The following PDE8A variants were observed in gnomAD, a reference collection of about 807,000 sequenced individuals.
PDE8A encodes the protein high affinity cAMP-specific and IBMX-insensitive 3',5'-cyclic phosphodiesterase 8A.
Under a neutral mutation model 105.0 loss-of-function variants are expected in PDE8A, and 59 were observed. That is an observed-to-expected ratio of 0.56 (90% CI 0.46 to 0.70). The LOEUF (loss-of-function observed/expected upper bound fraction) is 0.70. Among genes scored for constraint, PDE8A ranks in the 30% least tolerant of loss-of-function variants. PDE8A has a pLI of 0.00. For synonymous variants in PDE8A, 355 were observed against 371.9 expected (o/e 0.95, Z 0.52); for missense variants, 1,014 against 1,045.9 (o/e 0.97, Z 0.42).
At chr15:85,012,474 C>CA (rs2080255838) in intron 1 of PDE8A, among the ~76,000 whole-genome samples, 1 of 146,036 alleles carries the variant, frequency 6.8e-6, no homozygotes, top group Admixed American at 7.3e-5. Flanking sequence ...CGCATGTTCT[C>CA]ACTCATAGGT....
chr15:84,990,459 G>A (rs538402728), intron 1 of PDE8A, among the ~76,000 whole-genome samples: 14 of 152,214 alleles, frequency 9.2e-5, no homozygotes, highest in African/African-American at 3.1e-4. Flanking sequence ...GCCTATTCTA[G>A]ATTTCATGTA....
intron 12 of PDE8A, among the ~76,000 whole-genome samples, chr15:85,109,773 G>A (rs973044227): frequency 2.6e-5 from 4 of 152,204 alleles, no homozygotes; most frequent in Non-Finnish European, 5.9e-5. Context: ...AGATTATACA[G>A]TAGGGATCAA....
intron 1 of PDE8A, among the ~76,000 whole-genome samples, chr15:85,001,538 C>T (rs138679383): frequency 4.6e-5 from 7 of 152,222 alleles, no homozygotes; most frequent in Middle Eastern, 3.4e-3. Context: ...AAGAAGGTCA[C>T]GGAGAATGGA....
chr15:84,982,435 C>T (rs965009957), intron 1 of PDE8A, 87 bp downstream of exon 1: 12 of 807,170 alleles, frequency 1.5e-5, no homozygotes, highest in Non-Finnish European at 3.4e-6. Flanking sequence ...GCGGGGTCCC[C>T]CCCACCCGGC....
At chr15:85,127,207 A>G (rs1195946828) in intron 20 of PDE8A, among the ~76,000 whole-genome samples, 1 of 152,184 alleles carries the variant, frequency 6.6e-6, no homozygotes, top group African/African-American at 2.4e-5. Flanking sequence ...CAAAGAAAAC[A>G]TACAGCTAAC....
intron 8 of PDE8A, among the ~76,000 whole-genome samples, chr15:85,095,599 C>CT (rs888751690): frequency 1.3e-5 from 2 of 152,126 alleles, no homozygotes; most frequent in Admixed American, 1.3e-4. Flanking sequence ...CTGCCTCGGC[C>CT]TCCAGAAGTG....
At chr15:85,112,664 C>T (rs960046659) in intron 12 of PDE8A, among the ~76,000 whole-genome samples, 11 of 152,292 alleles carry the variant, frequency 7.2e-5, no homozygotes, top group African/African-American at 2.6e-4. Flanking sequence ...TCTGGGACAG[C>T]CCCTGGTCCT....
intron 1 of PDE8A, among the ~76,000 whole-genome samples, chr15:85,009,156 T>C (rs1041209428): frequency 3.6e-4 from 55 of 151,252 alleles, no homozygotes; most frequent in Non-Finnish European, 6.3e-4. Flanking sequence ...ATGTTTAGGG[T>C]CTGAGGATAT....
At chr15:84,991,004 G>A (rs763802021) in intron 1 of PDE8A, among the ~76,000 whole-genome samples, 6 of 151,690 alleles carry the variant, frequency 4.0e-5, no homozygotes, top group African/African-American at 1.5e-4. Flanking sequence ...TACTTTTTCC[G>A]TGTGCTTGTT....
chr15:84,982,673 C>T (rs2079736878), intron 1 of PDE8A, among the ~76,000 whole-genome samples: 1 of 152,190 alleles, frequency 6.6e-6, no homozygotes, highest in Non-Finnish European at 1.5e-5. Flanking sequence ...AATTTCCTCT[C>T]CAAGAGCGGG....
intron 5 of PDE8A, among the ~76,000 whole-genome samples, chr15:85,081,297 C>T (rs760330969): frequency 2.6e-5 from 4 of 152,176 alleles, no homozygotes; most frequent in South Asian, 2.1e-4. Context: ...GCCATTGAGT[C>T]GGTAGACTCA....
In PDE8A at chr15:85,125,946, A is replaced by G. The variant is rs74380765; in HGVS notation, c.2086-261A>G. Among the ~76,000 whole-genome samples, 1,138 of 152,268 alleles carry G rather than the reference A, an allele frequency of 7.5e-3. 19 individuals are homozygous for G. The highest frequency in any genetic ancestry group is 0.026 in the African/African-American group (1,071 of 41,548). On this transcript the variant is annotated intron_variant, in intron 19 of 21. Coordinates refer to ENST00000394553, the MANE Select transcript of PDE8A (RefSeq NM_002605.3). ...AGAGGAAGAGAAGAAAGAGGCAAGG[A>G]AAAGGGGAAGGGCAGATATACCAAC...
intron 11 of PDE8A, among the ~76,000 whole-genome samples, chr15:85,104,837 G>A (rs2081923577): frequency 1.3e-5 from 2 of 152,124 alleles, no homozygotes; most frequent in Non-Finnish European, 2.9e-5. Flanking sequence ...TACCAAGAAA[G>A]GAGTCCAGCA....
chr15:85,066,665 G>A (rs893409942), intron 2 of PDE8A, among the ~76,000 whole-genome samples: 16 of 150,362 alleles, frequency 1.1e-4, no homozygotes, highest in African/African-American at 3.7e-4. Flanking sequence ...CTGACCAGGC[G>A]CGGTGGCTCA....
At chr15:85,075,729 A>G (rs2081371051) in intron 3 of PDE8A, 133 bp from the exon 4 acceptor site, 1 of 555,802 alleles carries the variant, frequency 1.8e-6, no homozygotes, top group East Asian at 3.1e-5. Flanking sequence ...AGGTGAGTGA[A>G]TTCAGAGAGT....
At chr15:85,017,886 T>G (rs2080353595) in intron 1 of PDE8A, among the ~76,000 whole-genome samples, 1 of 9,112 alleles carries the variant, frequency 1.1e-4, no homozygotes, top group South Asian at 2.0e-3. Flanking sequence ...AAACTCCGTC[T>G]CAAAAAAAAA....
At chr15:85,102,472 G>A (rs2081878922) in intron 11 of PDE8A, among the ~76,000 whole-genome samples, 1 of 152,010 alleles carries the variant, frequency 6.6e-6, no homozygotes, top group African/African-American at 2.4e-5. Flanking sequence ...GGCCTGTTAT[G>A]GAGAGTCCTA....
At chr15:85,089,279 C>A in intron 6 of PDE8A, 59 bp from the exon 7 acceptor site, 1 of 883,544 alleles carries the variant, frequency 1.1e-6, no homozygotes, top group Admixed American at 2.3e-5. Flanking sequence ...ATGTAATAAC[C>A]CAAGATTTTA....
chr15:85,112,209 T>C (rs1292867822), intron 12 of PDE8A, among the ~76,000 whole-genome samples: 3 of 152,244 alleles, frequency 2.0e-5, no homozygotes, highest in East Asian at 1.9e-4. Flanking sequence ...GTATTTATCA[T>C]GTATATGATG....
Sources: allele counts gnomAD v4.1 joint callset (sites outside exome capture counted in the v4.1 genomes callset), GRCh38; gene constraint gnomAD v4.1.1; transcripts MANE v1.5; gene names NCBI Gene and HGNC (gene_info 2026-07-23, HGNC 2026-07-21).